The following MAP3K4 variants were observed in gnomAD, a reference collection of about 807,000 sequenced individuals.
The protein encoded by MAP3K4 is mitogen-activated protein kinase kinase kinase 4.
In MAP3K4, 67 loss-of-function variants were observed where a neutral mutation model predicts 185.6. The observed-to-expected ratio is 0.36, with a 90% CI of 0.30 to 0.44. The LOEUF (loss-of-function observed/expected upper bound fraction) is 0.44. MAP3K4 is among the 20% of genes least tolerant of loss of function. MAP3K4 has a pLI of 1.00. For missense variants in MAP3K4, 1,551 were observed against 1,995.1 expected, an observed-to-expected ratio of 0.78 and a Z score of 4.24; for synonymous variants, 702 against 710.4, an observed-to-expected ratio of 0.99 and a Z score of 0.19.
chr6:161,075,051 CATATT>C lies in MAP3K4; in HGVS notation c.2097+1444_2097+1448del, dbSNP rs1785108036. Among the ~76,000 whole-genome samples, 1 of 152,154 alleles carries C rather than the reference CATATT, an allele frequency of 6.6e-6. No homozygotes were observed. Among genetic ancestry groups the C allele is most frequent in the African/African-American group, 2.4e-5 (1 of 41,412 alleles). On this transcript the variant is annotated intron_variant, in intron 5 of 26. Coordinates refer to ENST00000392142, the MANE Select transcript of MAP3K4 (RefSeq NM_005922.4). This position sits in a 1 kb window ranked among gnomAD's most constrained non-coding sequence, Gnocchi z 4.3. ...AGGAAGAATGTGGCTGGGAATGAGA[CATATT>C]ATATCTGGCATATTGCAAGAAATCA...
At chr6:161,019,077 A>C (rs948514025) in intron 1 of MAP3K4, among the ~76,000 whole-genome samples, 1 of 152,340 alleles carries the variant, frequency 6.6e-6, no homozygotes, top group East Asian at 1.9e-4. Flanking sequence ...TAGCGTGTGT[A>C]TTGAGTTTTA....
rs535146369 is a variant in MAP3K4 at position 161,078,763 on chromosome 6, G to A, written c.2098-2118G>A. ...AAGCCACGGCAGGGTGGCCGAGCCCGAGATGGAGGAAAGACTGTTAGATGA... is the reference window on the plus strand; with the variant it reads ...AAGCCACGGCAGGGTGGCCGAGCCCAAGATGGAGGAAAGACTGTTAGATGA... On this transcript the variant is annotated intron_variant, in intron 5 of 26. Transcript: ENST00000392142. 5.3e-5 allele frequency among the ~76,000 whole-genome samples: 8 copies of A among 152,308 alleles called. No homozygotes were observed. The East Asian group carries it at 5.8e-4, about 11-fold the overall frequency.
In MAP3K4 at chr6:161,074,743, G is replaced by C. The variant is rs1785096534; in HGVS notation, c.2097+1131G>C. 6.6e-6 allele frequency among the ~76,000 whole-genome samples: 1 copy of C among 152,220 alleles called. No homozygotes were observed. The highest frequency in any genetic ancestry group is 2.1e-4 in the South Asian group (1 of 4,832). On this transcript the variant is annotated intron_variant, in intron 5 of 26. Transcript: ENST00000392142. The surrounding 1 kb of genome is among the most constrained non-coding windows in gnomAD (Gnocchi z 5.0). ...ATAATAAAACTGTATCGTTGTAGGTGGGGTGCATTCATTCTTGCTTAACAT... is the reference window on the plus strand; with the variant it reads ...ATAATAAAACTGTATCGTTGTAGGTCGGGTGCATTCATTCTTGCTTAACAT...
rs1247406478 is a variant in MAP3K4, at chr6:161,037,360, G to A, written c.343+2911G>A. Among the ~76,000 whole-genome samples the A allele has an allele frequency of 6.6e-6, 1 of 152,140 alleles. No homozygotes were observed. Among genetic ancestry groups the A allele is most frequent in the African/African-American group, 2.4e-5 (1 of 41,446 alleles). On this transcript the variant is annotated intron_variant, in intron 2 of 26. Transcript: ENST00000392142. This position sits in a 1 kb window ranked among gnomAD's most constrained non-coding sequence, Gnocchi z 4.2. The stretch of plus-strand genomic sequence containing the variant: ...TATCTGTAAAATCATCTGCCTTATA[G>A]TGTTGTTAGGATTATGTATTCAGTA...
intron 1 of MAP3K4, among the ~76,000 whole-genome samples, chr6:161,000,902 T>C (rs1460333300): frequency 1.3e-5 from 2 of 148,470 alleles, no homozygotes; most frequent in Non-Finnish European, 3.0e-5. Context: ...TACATATATG[T>C]ACACACACAT....
intron 5 of MAP3K4, among the ~76,000 whole-genome samples, chr6:161,078,981 A>G (rs527601809): frequency 7.7e-4 from 118 of 152,312 alleles, no homozygotes; most frequent in African/African-American, 2.8e-3. Context: ...TGGGAGGCCG[A>G]GGCTGGTGGA....
intron 1 of MAP3K4, among the ~76,000 whole-genome samples, chr6:161,025,242 C>A (rs1015286278): frequency 2.0e-5 from 3 of 152,210 alleles, no homozygotes; most frequent in African/African-American, 4.8e-5. Flanking sequence ...TATACTGCAA[C>A]TTCCTTGCCC....
chr6:161,101,990 A>T lies in MAP3K4; in HGVS notation c.3773A>T (p.Asp1258Val). Residue 1258 changes from aspartate to valine, a missense_variant and splice_region_variant, in exon 18 of 27, where the codon GAT becomes GTT. Physicochemically the swap from Asp to Val is radical, Grantham distance 152 (BLOSUM62 -3). Coordinates refer to ENST00000392142, the MANE Select transcript of MAP3K4 (RefSeq NM_005922.4). This position sits in a 1 kb window ranked among gnomAD's most constrained non-coding sequence, Gnocchi z 5.1. ...SRHSSPTEER[D>V]EPAYPRGDSS... Reference sequence around the variant, plus strand: ...CACTCAAGCCCCACGGAGGAGCGAGATGGTGAGTGTTTTAAGGTGTTAGCT... The same window carrying T: ...CACTCAAGCCCCACGGAGGAGCGAGTTGGTGAGTGTTTTAAGGTGTTAGCT... The T allele has an allele frequency of 6.2e-7, 1 of 1,613,308 alleles. No individual in the cohort carries two copies. Among genetic ancestry groups the T allele is most frequent in the Non-Finnish European group, 8.5e-7 (1 of 1,179,326 alleles).
At position 161,114,689 on chromosome 6, in the gene MAP3K4, ATT is replaced by A. The variant is rs920615874; in HGVS notation, c.4627-430_4627-429del. The stretch of plus-strand genomic sequence containing the variant: ...ATGAAATAAGCTTTGCACTAATGCA[ATT>A]TTTATTTTTCAATAAGGTAGCATAT... On this transcript the variant is annotated intron_variant, in intron 25 of 26. Coordinates refer to ENST00000392142, the MANE Select transcript of MAP3K4 (RefSeq NM_005922.4). The surrounding 1 kb of genome is among the most constrained non-coding windows in gnomAD (Gnocchi z 4.3). Among the ~76,000 whole-genome samples, 35 of 152,190 alleles carry A rather than the reference ATT, an allele frequency of 2.3e-4. No homozygotes were observed. The highest frequency in any genetic ancestry group is 7.2e-4 in the African/African-American group (30 of 41,452).
At chr6:161,078,010 G>A (rs1281767203) in intron 5 of MAP3K4, among the ~76,000 whole-genome samples, 1 of 152,166 alleles carries the variant, frequency 6.6e-6, no homozygotes, top group African/African-American at 2.4e-5. Context: ...AAAGAAGGGA[G>A]GAAGAGAGGA....
At chr6:161,081,223 C>T (rs1196451487) in intron 6 of MAP3K4, among the ~76,000 whole-genome samples, 185 bp downstream of exon 6, 1 of 144,890 alleles carries the variant, frequency 6.9e-6, no homozygotes, top group African/African-American at 2.6e-5. Context: ...ATTTTTTCCC[C>T]TTGGGGACAT....
intron 1 of MAP3K4, among the ~76,000 whole-genome samples, chr6:161,003,831 C>CA (rs980715852): frequency 1.3e-5 from 2 of 151,758 alleles, no homozygotes; most frequent in Non-Finnish European, 2.9e-5. Flanking sequence ...AAAGTCATTC[C>CA]AAAATTTTTT....
chr6:161,084,664 T>C lies in MAP3K4; in HGVS notation c.2372+47T>C. ...CCCTTCCACTTCTTATCTCGTAGTT[T>C]CCTTCCTCATGGTGAGATCCTAGAA... On this transcript the variant is annotated intron_variant, in intron 7 of 26. Transcript: ENST00000392142. The surrounding 1 kb of genome is among the most constrained non-coding windows in gnomAD (Gnocchi z 4.6). 8.9e-7 allele frequency: 1 copy of C among 1,118,644 alleles called. No individual in the cohort carries two copies. Among genetic ancestry groups the C allele is most frequent in the Non-Finnish European group, 1.4e-6 (1 of 730,400 alleles). 69.3% of individuals were successfully genotyped at this position (1,118,644 alleles called of 1,614,324 possible).
intron 3 of MAP3K4, among the ~76,000 whole-genome samples, chr6:161,065,335 C>A (rs1171999175): frequency 6.6e-6 from 1 of 152,158 alleles, no homozygotes; most frequent in Non-Finnish European, 1.5e-5. Flanking sequence ...TAGGCTTGAT[C>A]TGGGGTTTTA....
In MAP3K4 at chr6:161,101,906, C is replaced by T; in HGVS notation, c.3689C>T (p.Pro1230Leu). The T allele has an allele frequency of 6.2e-7, 1 of 1,613,912 alleles. No homozygotes were observed. Among genetic ancestry groups the T allele is most frequent in the African/African-American group, 1.3e-5 (1 of 75,030 alleles). ...SAHDTRGSSV[P>L]ENDRLASIAA... is the part of the protein sequence containing the mutation. Reference sequence around the variant, plus strand: ...TATTAAAACAGGGGTTCCAGCGTTCCTGAAAATGATCGATTGGCTTCCATA... The same window carrying T: ...TATTAAAACAGGGGTTCCAGCGTTCTTGAAAATGATCGATTGGCTTCCATA... Residue 1230 changes from proline to leucine, a missense_variant, in exon 18 of 27, where the codon CCT (proline) becomes CTT (leucine). By Grantham distance (98) the Pro-to-Leu change is moderately conservative. Around this residue, in one of 16 missense-constraint regions of MAP3K4, gnomAD observed 272 missense variants for 301.2 expected, o/e 0.90. Transcript: ENST00000392142. This position sits in a 1 kb window ranked among gnomAD's most constrained non-coding sequence, Gnocchi z 5.1.
intron 3 of MAP3K4, among the ~76,000 whole-genome samples, chr6:161,062,483 C>T (rs1259483085): frequency 6.6e-6 from 1 of 151,974 alleles, no homozygotes; most frequent in African/African-American, 2.4e-5. Context: ...TTATTATATC[C>T]CAGTCTCTTG....
chr6:161,086,760 T>C lies in MAP3K4; in HGVS notation c.2556+93T>C. 2.1e-6 allele frequency: 2 copies of C among 960,836 alleles called. No homozygotes were observed. The highest frequency in any genetic ancestry group is 3.2e-6 in the Non-Finnish European group (2 of 631,778). The allele number at this position is 960,836 out of a possible 1,614,324, so 59.5% of individuals were successfully genotyped here. Reference sequence around the variant, plus strand: ...TTTTCTTGAAGGTCCAGATAGTAAATATTACAGGCTCTGAAGGCTGTACCA... The same window carrying C: ...TTTTCTTGAAGGTCCAGATAGTAAACATTACAGGCTCTGAAGGCTGTACCA... On this transcript the variant is annotated intron_variant, in intron 9 of 26. Coordinates refer to ENST00000392142, the MANE Select transcript of MAP3K4 (RefSeq NM_005922.4). The surrounding 1 kb of genome is among the most constrained non-coding windows in gnomAD (Gnocchi z 4.8).
intron 1 of MAP3K4, chr6:160,992,299 G>T (rs1370301885): frequency 3.4e-6 from 2 of 588,086 alleles, no homozygotes; most frequent in East Asian, 3.5e-5. Context: ...GCTCCGCAGG[G>T]TTCCGCTCGA....
chr6:161,018,597 C>T (rs1243756555), intron 1 of MAP3K4, among the ~76,000 whole-genome samples: 3 of 152,082 alleles, frequency 2.0e-5, no homozygotes, highest in Non-Finnish European at 2.9e-5. Context: ...CAAAAAAACC[C>T]TCAAAGTTTA....
Sources: allele counts gnomAD v4.1 joint callset (sites outside exome capture counted in the v4.1 genomes callset), GRCh38; gene constraint gnomAD v4.1.1; regional missense constraint gnomAD v4.1.1; non-coding constraint Gnocchi (gnomAD v3.1); transcripts MANE v1.5; gene names NCBI Gene and HGNC (gene_info 2026-07-23, HGNC 2026-07-21).